Variants in UQCRB observed in about 807,000 individuals in gnomAD.
The protein encoded by UQCRB is cytochrome b-c1 complex subunit 7.
Under a neutral mutation model 19.8 loss-of-function variants are expected in UQCRB, and 12 were observed. The ratio of observed to expected loss-of-function variants is 0.61; its 90% CI spans 0.39 to 0.98. UQCRB has a LOEUF of 0.98. Among genes scored for constraint, UQCRB ranks in the 50% least tolerant of loss-of-function variants. The pLI, the probability that UQCRB is intolerant of heterozygous loss-of-function variation, is 0.00. For missense variants in UQCRB, 142 were observed against 131.8 expected, an observed-to-expected ratio of 1.08 and a Z score of -0.38; for synonymous variants, 39 against 42.9, an observed-to-expected ratio of 0.91 and a Z score of 0.35.
intron 1 of UQCRB, chr8:96,234,858 GAAA>G (rs1295751640): frequency 5.4e-6 from 1 of 184,676 alleles, no homozygotes; most frequent in African/African-American, 2.5e-5. Context: ...AAAAAAGAAA[GAAA>G]AAAGAAAAAA....
At chr8:96,231,697 C>A (rs528012846) in intron 3 of UQCRB, 77 bp downstream of exon 3, 34 of 1,586,080 alleles carry the variant, frequency 2.1e-5, no homozygotes, top group Admixed American at 1.2e-4. Context: ...TAACACTATG[C>A]AAATGAACAT....
chr8:96,227,046 A>G lies in UQCRB; in HGVS notation c.*4009T>C. On this transcript the variant is annotated 3_prime_UTR_variant, in exon 4 of 4. Transcript: ENST00000287022. ...GCCAGTATAACCAGAATGTAAACAA[A>G]TTATGGCATATAAATTAAAACATTT... is the stretch of plus-strand genomic sequence containing the variant. The G allele has an allele frequency of 2.2e-6, 1 of 453,794 alleles. No homozygotes were observed. The highest frequency in any genetic ancestry group is 4.4e-6 in the Non-Finnish European group (1 of 226,706). 28.1% of individuals were successfully genotyped at this position (453,794 alleles called of 1,614,324 possible). A position where few individuals can be genotyped will look rare whatever the true frequency, so the allele number is the denominator to read the frequency against.
At chr8:96,233,999 G>A (rs1462823376) in intron 1 of UQCRB, 1 of 152,944 alleles carries the variant, frequency 6.5e-6, no homozygotes, top group South Asian at 2.1e-4. Context: ...AACCCAGCAG[G>A]GTCCAAGTAC....
chr8:96,228,860 A>G lies in UQCRB; in HGVS notation c.*2195T>C, dbSNP rs1340374243. 1 of 454,078 alleles carries G rather than the reference A, an allele frequency of 2.2e-6. No homozygotes were observed. Among genetic ancestry groups the G allele is most frequent in the Admixed American group, 2.3e-5 (1 of 42,568 alleles). The allele number at this position is 454,078 out of a possible 1,614,324, so 28.1% of individuals were successfully genotyped here. On this transcript the variant is annotated 3_prime_UTR_variant, in exon 4 of 4. Coordinates refer to ENST00000287022, the MANE Select transcript of UQCRB (RefSeq NM_006294.5). ...ACAATGTAGACCAGACTACAGGACA[A>G]TGTAGATTTGGTCTACAGGACAATG...
rs754329213 is a variant in UQCRB at position 96,231,908 on chromosome 8, C to T, written c.124G>A (p.Glu42Lys). The change falls in exon 3 of 4, where the codon GAA (glutamate) becomes AAA (lysine). Residue 42 changes from glutamate (E) to lysine (K), a missense_variant. This residue lies in a region of UQCRB where 132 missense variants were observed against 107.5 expected (regional missense o/e 1.23). Coordinates refer to ENST00000287022, the MANE Select transcript of UQCRB (RefSeq NM_006294.5). ...CTTCTTATGGCTTCTTTTACATCTT[C>T]ATCCTCGTATATTGTATCATCTCGC... is the stretch of plus-strand genomic sequence containing the variant. ...LMRDDTIYED[E>K]DVKEAIRRLP... 6.2e-7 allele frequency: 1 copy of T among 1,613,780 alleles called. No individual in the cohort carries two copies. The highest frequency in any genetic ancestry group is 1.7e-5 in the Admixed American group (1 of 60,028).
rs1425441704 is a variant in UQCRB, at chr8:96,230,581, A to G, written c.*474T>C. Reference sequence around the variant, plus strand: ...TACATGTTAGCACAGGAGTATGTATATTACTTAAGTATGCCTATGTTGGGG... The same window carrying G: ...TACATGTTAGCACAGGAGTATGTATGTTACTTAAGTATGCCTATGTTGGGG... On this transcript the variant is annotated 3_prime_UTR_variant, in exon 4 of 4. Transcript: ENST00000287022. 3 of 454,468 alleles carry G rather than the reference A, an allele frequency of 6.6e-6. No homozygotes were observed. Among genetic ancestry groups the G allele is most frequent in the African/African-American group, 2.0e-5 (1 of 50,014 alleles). The allele number at this position is 454,468 out of a possible 1,614,324, so 28.2% of individuals were successfully genotyped here. A position where few individuals can be genotyped will look rare whatever the true frequency, so the allele number is the denominator to read the frequency against.
Position 96,228,742 on chromosome 8 carries a change from T to C in UQCRB, c.*2313A>G, listed in dbSNP as rs1286593380. On this transcript the variant is annotated 3_prime_UTR_variant, in exon 4 of 4. Coordinates refer to ENST00000287022, the MANE Select transcript of UQCRB (RefSeq NM_006294.5). ...TGAAGCACGGAGAGGTTAAATTGTA[T>C]TCCTAAAGCACTACACAGTGAGCAA... is the stretch of plus-strand genomic sequence containing the variant. 1.1e-5 allele frequency: 5 copies of C among 453,988 alleles called. No individual in the cohort carries two copies. Among genetic ancestry groups the C allele is most frequent in the Non-Finnish European group, 2.2e-5 (5 of 226,796 alleles). 28.1% of individuals were successfully genotyped at this position (453,988 alleles called of 1,614,324 possible).
At position 96,230,368 on chromosome 8, in the gene UQCRB, T is replaced by C. The variant is rs1403089868; in HGVS notation, c.*687A>G. The C allele has an allele frequency of 3.2e-5, 14 of 437,078 alleles. No homozygotes were observed. The highest frequency in any genetic ancestry group is 2.0e-4 in the South Asian group (12 of 60,940). The allele number at this position is 437,078 out of a possible 1,614,324, so 27.1% of individuals were successfully genotyped here. ...CTGGGATTACAGGCATGAGCCACCA[T>C]GCCTTGCCAATGATTCTAATTTATA... On this transcript the variant is annotated 3_prime_UTR_variant, in exon 4 of 4. Transcript: ENST00000287022.
In UQCRB at chr8:96,225,555, G is replaced by T. The variant is rs1301835689; in HGVS notation, c.*5500C>A. Among the ~76,000 whole-genome samples, 1 of 151,958 alleles carries T rather than the reference G, an allele frequency of 6.6e-6. No individual in the cohort carries two copies. Among genetic ancestry groups the T allele is most frequent in the Non-Finnish European group, 1.5e-5 (1 of 68,016 alleles). On this transcript the variant is annotated 3_prime_UTR_variant, in exon 4 of 4. Coordinates refer to ENST00000287022, the MANE Select transcript of UQCRB (RefSeq NM_006294.5). ...TTGCATCTCCCATGTCTCTCCAGCT[G>T]ATATTTGCCACTCCATCAGTGCAAA...
intron 3 of UQCRB, 116 bp from the exon 4 acceptor site, chr8:96,231,248 A>G (rs1174844290): frequency 6.3e-7 from 1 of 1,599,570 alleles, no homozygotes; most frequent in African/African-American, 1.3e-5. Context: ...AATTTTAGAA[A>G]ACATATTCTC....
chr8:96,232,031 C>A, intron 2 of UQCRB, 91 bp from the exon 3 acceptor site: 2 of 1,271,064 alleles, frequency 1.6e-6, no homozygotes, highest in Non-Finnish European at 2.2e-6. Flanking sequence ...TTATAACTTA[C>A]AACTTTTGGT....
At position 96,235,322 on chromosome 8, in the gene UQCRB, T is replaced by G. The variant is rs1025460482; in HGVS notation, c.19+190A>C. The G allele has an allele frequency of 3.6e-6, 3 of 841,630 alleles. No homozygotes were observed. The African/African-American group carries it at 5.0e-5, about 14-fold the overall frequency. 52.1% of individuals were successfully genotyped at this position (841,630 alleles called of 1,614,324 possible). A position where few individuals can be genotyped will look rare whatever the true frequency, so the allele number is the denominator to read the frequency against. On this transcript the variant is annotated intron_variant, in intron 1 of 3. Transcript: ENST00000287022. ...ACAGCGGGTTAACATCCCAACCCTATACAGGCAAGCCCGCCCTGGGGACAG... is the reference window on the plus strand; with the variant it reads ...ACAGCGGGTTAACATCCCAACCCTAGACAGGCAAGCCCGCCCTGGGGACAG...
rs1809649462 is a variant in UQCRB, at chr8:96,230,737, A to G, written c.*318T>C. On this transcript the variant is annotated 3_prime_UTR_variant, in exon 4 of 4. Coordinates refer to ENST00000287022, the MANE Select transcript of UQCRB (RefSeq NM_006294.5). ...CCTTCTTTTATTCAGTAGCTTCCAT[A>G]AGGATGTAACTTACGGAAGTTATAT... 1 of 513,854 alleles carries G rather than the reference A, an allele frequency of 1.9e-6. No homozygotes were observed. The highest frequency in any genetic ancestry group is 3.8e-6 in the Non-Finnish European group (1 of 265,982). The allele number at this position is 513,854 out of a possible 1,614,324, so 31.8% of individuals were successfully genotyped here.
At position 96,229,264 on chromosome 8, in the gene UQCRB, G is replaced by A. The variant is rs1809601601; in HGVS notation, c.*1791C>T. On this transcript the variant is annotated 3_prime_UTR_variant, in exon 4 of 4. Transcript: ENST00000287022. The stretch of plus-strand genomic sequence containing the variant: ...TACCTTGAGCAGGTGGATAGCCTGG[G>A]GGTTCCTGTTATACCTCAGTCTTGG... 6.6e-6 allele frequency: 3 copies of A among 454,052 alleles called. No homozygotes were observed. The highest frequency in any genetic ancestry group is 8.8e-6 in the Non-Finnish European group (2 of 226,770). The allele number at this position is 454,052 out of a possible 1,614,324, so 28.1% of individuals were successfully genotyped here.
intron 2 of UQCRB, 25 bp downstream of exon 2, chr8:96,233,131 A>G (rs1462701685): frequency 1.9e-6 from 3 of 1,607,034 alleles, no homozygotes. Context: ...AACAACAAAA[A>G]ACATTAAACA....
rs1337293265 is a variant in UQCRB, at chr8:96,229,289, G to A, written c.*1766C>T. On this transcript the variant is annotated 3_prime_UTR_variant, in exon 4 of 4. Coordinates refer to ENST00000287022, the MANE Select transcript of UQCRB (RefSeq NM_006294.5). Reference sequence around the variant, plus strand: ...GGGTTCCTGTTATACCTCAGTCTTGGTCAGTTCTATTTGTTCCCCTGTCCT... The same window carrying A: ...GGGTTCCTGTTATACCTCAGTCTTGATCAGTTCTATTTGTTCCCCTGTCCT... The A allele has an allele frequency of 2.2e-6, 1 of 453,968 alleles. No individual in the cohort carries two copies. The highest frequency in any genetic ancestry group is 6.8e-4 in the Middle Eastern group (1 of 1,466). 28.1% of individuals were successfully genotyped at this position (453,968 alleles called of 1,614,324 possible). A position where few individuals can be genotyped will look rare whatever the true frequency, so the allele number is the denominator to read the frequency against.
rs571186796 is a variant in UQCRB, at chr8:96,224,611, G to A, written c.*6444C>T. ...CACCCTCAACAGACCCGTGTTTGTG[G>A]AGCCCCTCCGGACCTCTCTCTTTTA... On this transcript the variant is annotated 3_prime_UTR_variant, in exon 4 of 4. Coordinates refer to ENST00000287022, the MANE Select transcript of UQCRB (RefSeq NM_006294.5). Among the ~76,000 whole-genome samples, 2 of 152,240 alleles carry A rather than the reference G, an allele frequency of 1.3e-5. No individual in the cohort carries two copies. The highest frequency in any genetic ancestry group is 4.2e-4 in the South Asian group (2 of 4,818).
rs1455867089 is a variant in UQCRB at position 96,228,184 on chromosome 8, T to C, written c.*2871A>G. ...ACAAACAAACAGAACATAGACCACT[T>C]CAGAGTAAACAAACATAACTTTCTT... On this transcript the variant is annotated 3_prime_UTR_variant, in exon 4 of 4. Coordinates refer to ENST00000287022, the MANE Select transcript of UQCRB (RefSeq NM_006294.5). 1 of 454,088 alleles carries C rather than the reference T, an allele frequency of 2.2e-6. No individual in the cohort carries two copies. The highest frequency in any genetic ancestry group is 4.4e-6 in the Non-Finnish European group (1 of 226,784). The allele number at this position is 454,088 out of a possible 1,614,324, so 28.1% of individuals were successfully genotyped here.
rs555231542 is a variant in UQCRB, at chr8:96,223,051, G to T, written c.*8004C>A. 7.0e-6 allele frequency among the ~76,000 whole-genome samples: 1 copy of T among 143,826 alleles called. No homozygotes were observed. Among genetic ancestry groups the T allele is most frequent in the Non-Finnish European group, 1.5e-5 (1 of 67,344 alleles). 94.4% of individuals were successfully genotyped at this position (143,826 alleles called of 152,430 possible). A position where few individuals can be genotyped will look rare whatever the true frequency, so the allele number is the denominator to read the frequency against. On this transcript the variant is annotated 3_prime_UTR_variant, in exon 4 of 4. Transcript: ENST00000287022. Reference sequence around the variant, plus strand: ...TGGGAAGGATCAGGAAATGGGGAGAGGTAGGTCAAAGGATACACAAACTTG... The same window carrying T: ...TGGGAAGGATCAGGAAATGGGGAGATGTAGGTCAAAGGATACACAAACTTG...
Sources: gnomAD v4.1 joint callset for allele counts (sites outside exome capture counted in the v4.1 genomes callset) on GRCh38, gnomAD v4.1.1 for gene constraint, gnomAD v4.1.1 regional missense constraint, MANE v1.5 for transcripts, NCBI Gene and HGNC (gene_info 2026-07-23, HGNC 2026-07-21) for gene names.